Variants in FERMT2 observed in about 807,000 individuals in gnomAD.
FERMT2 encodes FERM domain containing kindlin 2.
FERMT2 carries 15 observed loss-of-function variants against 82.7 expected under a neutral mutation model. The ratio of observed to expected loss-of-function variants is 0.18; its 90% CI spans 0.12 to 0.28. FERMT2 has a LOEUF of 0.28. Ranked by LOEUF, FERMT2 falls within the 10% of genes least tolerant of loss-of-function variation. The probability of loss-of-function intolerance (pLI) is 1.00; values close to 1 mark genes in which losing one functional copy is unlikely to be tolerated. For missense variants in FERMT2, 645 were observed against 809.4 expected (o/e 0.80, Z 2.46); for synonymous variants, 274 against 271.5 (o/e 1.01, Z -0.09).
intron 4 of FERMT2, among the ~76,000 whole-genome samples, chr14:52,883,307 C>T (rs952688642): frequency 6.6e-6 from 1 of 152,146 alleles, no homozygotes; most frequent in Admixed American, 6.5e-5. Flanking sequence ...TTAAACTAGA[C>T]AGGTATTTTT....
chr14:52,927,682 C>A (rs73306311), intron 2 of FERMT2, among the ~76,000 whole-genome samples: 2,657 of 148,800 alleles, frequency 0.018, 69 homozygotes, highest in African/African-American at 0.062. Context: ...GGTGGGAGGA[C>A]CCCTTGACTC....
chr14:52,918,408 A>G (rs1182828893), intron 3 of FERMT2, among the ~76,000 whole-genome samples: 1 of 152,208 alleles, frequency 6.6e-6, no homozygotes. Context: ...TTTACAACAG[A>G]GTGTATTTAT....
At chr14:52,885,371 G>C (rs1385672527) in intron 4 of FERMT2, among the ~76,000 whole-genome samples, 1 of 142,574 alleles carries the variant, frequency 7.0e-6, no homozygotes, top group African/African-American at 2.6e-5. Flanking sequence ...GCAAACCAAT[G>C]CTTCAACAAA....
chr14:52,932,891 TTATAA>T (rs1236080230), intron 2 of FERMT2, among the ~76,000 whole-genome samples: 3 of 152,096 alleles, frequency 2.0e-5, no homozygotes, highest in East Asian at 1.9e-4. Context: ...ACTGAAGTTT[TTATAA>T]TATGAGTTTC....
intron 2 of FERMT2, among the ~76,000 whole-genome samples, chr14:52,946,764 C>T (rs1187017452): frequency 6.6e-6 from 1 of 152,114 alleles, no homozygotes; most frequent in Non-Finnish European, 1.5e-5. Context: ...CCTCCGCCTC[C>T]CAGGTTCAAG....
At chr14:52,914,655 C>A (rs1376452844) in intron 3 of FERMT2, among the ~76,000 whole-genome samples, 1 of 151,930 alleles carries the variant, frequency 6.6e-6, no homozygotes, top group Non-Finnish European at 1.5e-5. Context: ...CATGGTGGCT[C>A]ATGCCTGCAA....
intron 3 of FERMT2, among the ~76,000 whole-genome samples, chr14:52,914,017 T>C (rs1888475015): frequency 6.6e-6 from 1 of 151,776 alleles, no homozygotes; most frequent in South Asian, 2.1e-4. Context: ...CTCCCTAAGC[T>C]CCATTTGGTT....
chr14:52,876,382 G>A (rs1015699518), intron 7 of FERMT2, among the ~76,000 whole-genome samples: 3 of 152,172 alleles, frequency 2.0e-5, no homozygotes, highest in Admixed American at 6.5e-5. Flanking sequence ...AGTATATTAA[G>A]AGTCTGGTGA....
At chr14:52,860,037 T>C (rs947455928) in intron 13 of FERMT2, 20 of 289,404 alleles carry the variant, frequency 6.9e-5, no homozygotes, top group Admixed American at 1.5e-4. Flanking sequence ...CAGGATGGTC[T>C]CTATCTCCTG....
chr14:52,895,008 T>C (rs1887178462), intron 3 of FERMT2, among the ~76,000 whole-genome samples: 2 of 151,954 alleles, frequency 1.3e-5, no homozygotes, highest in South Asian at 4.1e-4. Context: ...AAGTCTTGTA[T>C]TCTGAATATA....
chr14:52,905,058 G>A (rs1336380753), intron 3 of FERMT2, among the ~76,000 whole-genome samples: 1 of 150,584 alleles, frequency 6.6e-6, no homozygotes. Context: ...GTGTGGTGGT[G>A]TGCGCTTGTA....
chr14:52,903,762 T>C (rs1051038001), intron 3 of FERMT2, among the ~76,000 whole-genome samples: 1 of 152,158 alleles, frequency 6.6e-6, no homozygotes, highest in Non-Finnish European at 1.5e-5. Context: ...ATGGAGAATA[T>C]ATTCCACCAA....
At chr14:52,899,269 C>A (rs923947315) in intron 3 of FERMT2, among the ~76,000 whole-genome samples, 4 of 151,004 alleles carry the variant, frequency 2.6e-5, no homozygotes, top group Non-Finnish European at 5.9e-5. Context: ...GTAGGCAATT[C>A]TGATTCCAGC....
At chr14:52,892,173 T>G (rs77857090) in intron 4 of FERMT2, among the ~76,000 whole-genome samples, 377 of 15,252 alleles carry the variant, frequency 0.025, 7 homozygotes, top group Admixed American at 0.03. Context: ...TTTGTTTTTT[T>G]TTTTTTTTTT....
intron 2 of FERMT2, among the ~76,000 whole-genome samples, chr14:52,926,378 G>C (rs1349240899): frequency 6.6e-6 from 1 of 150,768 alleles, no homozygotes; most frequent in African/African-American, 2.4e-5. Context: ...AGAATGGCAG[G>C]CTTGGTATTT....
chr14:52,883,781 G>T (rs1048537458), intron 4 of FERMT2, among the ~76,000 whole-genome samples: 1 of 152,110 alleles, frequency 6.6e-6, no homozygotes, highest in African/African-American at 2.4e-5. Flanking sequence ...CACCATCCCC[G>T]CTTGGTACTG....
At chr14:52,946,520 G>C (rs1235811066) in intron 2 of FERMT2, among the ~76,000 whole-genome samples, 4 of 152,090 alleles carry the variant, frequency 2.6e-5, no homozygotes, top group African/African-American at 4.8e-5. Context: ...AGATGTGGTG[G>C]TGCGTGCCTG....
Position 52,881,409 on chromosome 14 carries a change from T to C in FERMT2, c.587A>G (p.His196Arg), listed in dbSNP as rs763558186. The C allele has an allele frequency of 3.1e-6, 5 of 1,613,660 alleles. No individual in the cohort carries two copies. The highest frequency in any genetic ancestry group is 4.2e-6 in the Non-Finnish European group (5 of 1,179,790). The change falls in exon 5 of 15, where the codon CAT becomes CGT. Residue 196 changes from histidine to arginine, a missense_variant. Physicochemically the swap from His to Arg is conservative, Grantham distance 29. Transcript: ENST00000341590. ...AGTTGGTGACAAGGGGCTTCCATCATGAGCATCATAAGTGGGGGTCATTGT... is the reference window on the plus strand; with the variant it reads ...AGTTGGTGACAAGGGGCTTCCATCACGAGCATCATAAGTGGGGGTCATTGT... ...SKTMTPTYDA[H>R]DGSPLSPTSA...
intron 12 of FERMT2, 111 bp from the exon 13 acceptor site, chr14:52,860,576 G>T: frequency 3.4e-6 from 3 of 875,142 alleles, no homozygotes; most frequent in Non-Finnish European, 5.1e-6. Flanking sequence ...AAATCATATT[G>T]TAAGAGTTGA....
Sources: gnomAD v4.1 joint callset for allele counts (sites outside exome capture counted in the v4.1 genomes callset) on GRCh38, gnomAD v4.1.1 for gene constraint, MANE v1.5 for transcripts, NCBI Gene and HGNC (gene_info 2026-07-23, HGNC 2026-07-21) for gene names.